The following SGCD variants were observed in gnomAD, a reference collection of about 807,000 sequenced individuals.
SGCD encodes sarcoglycan delta.
In SGCD, 18 loss-of-function variants were observed where a neutral mutation model predicts 36.6. That is an observed-to-expected ratio of 0.49 (90% confidence interval 0.34 to 0.73). The LOEUF (loss-of-function observed/expected upper bound fraction) is 0.73. Among genes scored for constraint, SGCD ranks in the 30% least tolerant of loss-of-function variants. The pLI, the probability that SGCD is intolerant of heterozygous loss-of-function variation, is 0.01. For missense variants in SGCD, 387 were observed against 346.7 expected, an observed-to-expected ratio of 1.12 and a Z score of -0.92; for synonymous variants, 133 against 130.6, an observed-to-expected ratio of 1.02 and a Z score of -0.12.
chr5:156,169,132 G>A (rs962571892), intron 3 of SGCD, among the ~76,000 whole-genome samples: 3 of 152,166 alleles, frequency 2.0e-5, no homozygotes, highest in Non-Finnish European at 2.9e-5. Flanking sequence ...TTGCCCCCAG[G>A]CTCCTTGATT....
intron 3 of SGCD, among the ~76,000 whole-genome samples, chr5:156,216,083 A>G (rs903103555): frequency 3.3e-5 from 5 of 152,238 alleles, no homozygotes; most frequent in Non-Finnish European, 7.4e-5. Flanking sequence ...CAGGCCCAGA[A>G]CAAATAACAT....
At chr5:156,480,073 T>C (rs1266360728) in intron 3 of SGCD, among the ~76,000 whole-genome samples, 1 of 152,248 alleles carries the variant, frequency 6.6e-6, no homozygotes, top group African/African-American at 2.4e-5. Context: ...GGCAAGTTGC[T>C]GTCACAAACA....
At chr5:156,589,198 T>C (rs1204865594) in intron 4 of SGCD, 33 bp from the exon 5 acceptor site, 4 of 1,426,978 alleles carry the variant, frequency 2.8e-6, no homozygotes, top group Admixed American at 2.0e-5. Flanking sequence ...AAATCTATCA[T>C]TTTCATGTCT....
At chr5:156,612,892 A>G (rs920135512) in intron 6 of SGCD, among the ~76,000 whole-genome samples, 6 of 152,182 alleles carry the variant, frequency 3.9e-5, no homozygotes, top group African/African-American at 7.2e-5. Context: ...CAACTCCCCA[A>G]ATTGCATTCG....
chr5:156,473,897 G>T (rs528780245), intron 3 of SGCD, among the ~76,000 whole-genome samples: 2 of 151,586 alleles, frequency 1.3e-5, no homozygotes, highest in African/African-American at 4.8e-5. Flanking sequence ...TAACCTATCC[G>T]ATAAATAAAT....
At chr5:156,617,488 T>A (rs1042124263) in intron 6 of SGCD, among the ~76,000 whole-genome samples, 1 of 152,076 alleles carries the variant, frequency 6.6e-6, no homozygotes, top group Non-Finnish European at 1.5e-5. Flanking sequence ...TAACAGAAAT[T>A]TATAGGAGCA....
chr5:156,193,073 A>T (rs1763932767), intron 3 of SGCD, among the ~76,000 whole-genome samples: 1 of 152,056 alleles, frequency 6.6e-6, no homozygotes, highest in South Asian at 2.1e-4. Context: ...AATTGTGAAG[A>T]TCATTTTTAG....
At chr5:155,756,946 C>A in the SGCD span, among the ~76,000 whole-genome samples, 1 of 152,178 alleles carries the variant, frequency 6.6e-6, no homozygotes, top group Non-Finnish European at 1.5e-5. Flanking sequence ...TTGTCTCAGG[C>A]TCCTGGGATA....
intron 6 of SGCD, among the ~76,000 whole-genome samples, chr5:156,607,995 C>T (rs1023369591): frequency 2.0e-5 from 3 of 152,178 alleles, no homozygotes; most frequent in African/African-American, 7.2e-5. Context: ...AAAAAAACAG[C>T]TCCTGGATTC....
intron 7 of SGCD, among the ~76,000 whole-genome samples, chr5:156,749,519 AAAG>A (rs1757070695): frequency 1.3e-5 from 2 of 152,144 alleles, no homozygotes; most frequent in Non-Finnish European, 2.9e-5. Flanking sequence ...TTCAAGGCAA[AAAG>A]AAGACGTGAA....
chr5:156,153,956 G>C (rs937557117), intron 3 of SGCD, among the ~76,000 whole-genome samples: 1 of 151,520 alleles, frequency 6.6e-6, no homozygotes, highest in Non-Finnish European at 1.5e-5. Flanking sequence ...AACACTTTTT[G>C]CACACGACAT....
chr5:155,728,705 G>A, the SGCD span, among the ~76,000 whole-genome samples: 194 of 152,212 alleles, frequency 1.3e-3, 2 homozygotes, highest in African/African-American at 4.5e-3. Context: ...CGCTCGAGCC[G>A]GAGCGAGCGC....
the SGCD span, among the ~76,000 whole-genome samples, chr5:155,857,415 C>T: frequency 6.6e-6 from 1 of 152,098 alleles, no homozygotes; most frequent in Admixed American, 6.6e-5. Flanking sequence ...AATGGATAAA[C>T]AGTGTGATCT....
chr5:155,881,281 C>A lies in SGCD; in HGVS notation c.-282+10857C>A, dbSNP rs558029824. 6.0e-4 allele frequency among the ~76,000 whole-genome samples: 53 copies of A among 88,678 alleles called. 1 individual carries two copies. The South Asian group carries it at 6.6e-3, about 11-fold the overall frequency. 58.2% of individuals were successfully genotyped at this position (88,678 alleles called of 152,430 possible). ...GAGAGATTGCTGGCTGATTCCAGAT[C>A]ACCACCTCACCACAAAATAAATAAA... On this transcript the variant is annotated intron_variant, in intron 1 of 9. Transcript: ENST00000517913.
At chr5:156,095,873 C>T (rs1761362452) in intron 1 of SGCD, among the ~76,000 whole-genome samples, 1 of 152,098 alleles carries the variant, frequency 6.6e-6, no homozygotes, top group Non-Finnish European at 1.5e-5. Flanking sequence ...AGTGTACAAG[C>T]CCAAACGATG....
chr5:156,046,425 T>C (rs1759766923), intron 1 of SGCD, among the ~76,000 whole-genome samples: 1 of 152,182 alleles, frequency 6.6e-6, no homozygotes, highest in African/African-American at 2.4e-5. Context: ...TTTTTAAACA[T>C]TGAAGGTTTG....
chr5:156,745,160 C>T (rs1054496809), intron 7 of SGCD, among the ~76,000 whole-genome samples: 1 of 152,124 alleles, frequency 6.6e-6, no homozygotes, highest in African/African-American at 2.4e-5. Context: ...GGGACCCCCC[C>T]AGTTACCAAA....
chr5:156,710,743 CTTACAATGTAGA>C (rs1754951451), intron 7 of SGCD, among the ~76,000 whole-genome samples: 1 of 152,136 alleles, frequency 6.6e-6, no homozygotes, highest in Non-Finnish European at 1.5e-5. Flanking sequence ...GACCAAAGTT[CTTACAATGTAGA>C]TGAAGTCTCA....
chr5:156,112,811 CTGAGGTGA>C (rs1237996704), intron 1 of SGCD, among the ~76,000 whole-genome samples: 1 of 152,148 alleles, frequency 6.6e-6, no homozygotes, highest in Non-Finnish European at 1.5e-5. Context: ...CCCCTCCATA[CTGAGGTGA>C]TGAGGCTGTT....
Sources: gnomAD v4.1 joint callset for allele counts (sites outside exome capture counted in the v4.1 genomes callset) on GRCh38, gnomAD v4.1.1 for gene constraint, MANE v1.5 for transcripts, NCBI Gene and HGNC (gene_info 2026-07-23, HGNC 2026-07-21) for gene names.